GPC5: variants seen among roughly 807,000 people sequenced by gnomAD.
GPC5 encodes glypican 5.
In GPC5, 47 loss-of-function variants were observed where a neutral mutation model predicts 53.9. The ratio of observed to expected loss-of-function variants is 0.87; its 90% confidence interval spans 0.69 to 1.11. GPC5 has a LOEUF of 1.11. Ranked by LOEUF, GPC5 falls within the 50% of genes most tolerant of loss-of-function variation. The pLI is 0.00. For synonymous variants in GPC5, 286 were observed against 263.3 expected (o/e 1.09, Z -0.84); for missense variants, 748 against 713.1 (o/e 1.05, Z -0.56).
intron 7 of GPC5, among the ~76,000 whole-genome samples, chr13:92,537,139 G>A (rs926424510): frequency 5.3e-5 from 8 of 151,980 alleles, no homozygotes; most frequent in African/African-American, 1.7e-4. Context: ...TTATGTTTTA[G>A]CAACTCGTAA....
chr13:92,239,153 C>CT (rs370167814), intron 7 of GPC5, among the ~76,000 whole-genome samples: 11,856 of 125,728 alleles, frequency 0.094, 562 homozygotes, highest in Non-Finnish European at 0.13. Flanking sequence ...AGTCTTTCAA[C>CT]TTTTTTTTTT....
intron 6 of GPC5, among the ~76,000 whole-genome samples, chr13:91,968,946 T>C (rs1456062202): frequency 6.6e-6 from 1 of 151,928 alleles, no homozygotes; most frequent in Non-Finnish European, 1.5e-5. Flanking sequence ...CTTTCTTCTT[T>C]CTCTTTTTTT....
Position 91,834,661 on chromosome 13 carries a change from A to G in GPC5, c.1281-73276A>G, listed in dbSNP as rs530772018. ...GCAATGGAAAAAGGATTCCCTATTTAATAAATGGTGTTAGGAAAACTGGCT... is the reference window on the plus strand; with the variant it reads ...GCAATGGAAAAAGGATTCCCTATTTGATAAATGGTGTTAGGAAAACTGGCT... On this transcript the variant is annotated intron_variant, in intron 5 of 7. Coordinates refer to ENST00000377067, the MANE Select transcript of GPC5 (RefSeq NM_004466.6). Among the ~76,000 whole-genome samples the G allele has an allele frequency of 2.0e-5, 3 of 152,348 alleles. No individual in the cohort carries two copies. The South Asian group carries it at 6.2e-4, about 32-fold the overall frequency.
At chr13:92,036,485 C>T (rs759253647) in intron 6 of GPC5, among the ~76,000 whole-genome samples, 5 of 152,132 alleles carry the variant, frequency 3.3e-5, no homozygotes, top group Non-Finnish European at 5.9e-5. Context: ...TTATAAGGGT[C>T]ATGCATTATA....
chr13:92,313,696 G>C (rs186062224), intron 7 of GPC5, among the ~76,000 whole-genome samples: 1 of 151,996 alleles, frequency 6.6e-6, no homozygotes, highest in East Asian at 1.9e-4. Flanking sequence ...AAAATCCCTC[G>C]TCTGTTCTCA....
Position 92,437,445 on chromosome 13 carries a change from G to T in GPC5, c.1561+292456G>T, listed in dbSNP as rs370887312. 1.1e-3 allele frequency among the ~76,000 whole-genome samples: 173 copies of T among 152,084 alleles called. 3 individuals carry two copies. The South Asian group carries it at 0.023, about 20-fold the overall frequency. ...CATCAACTGAATCAATTTTAGAAAT[G>T]AATCCATTATTAACCTGTAAATAAT... On this transcript the variant is annotated intron_variant, in intron 7 of 7. Transcript: ENST00000377067.
intron 7 of GPC5, among the ~76,000 whole-genome samples, chr13:92,815,753 C>T (rs960628973): frequency 6.6e-6 from 1 of 151,698 alleles, no homozygotes; most frequent in Non-Finnish European, 1.5e-5. Context: ...GGCATATTTG[C>T]AAGGCAGAGC....
intron 7 of GPC5, among the ~76,000 whole-genome samples, chr13:92,291,572 C>T (rs913668045): frequency 6.6e-6 from 1 of 152,148 alleles, no homozygotes; most frequent in African/African-American, 2.4e-5. Context: ...GTAAAATGGA[C>T]CAATCAGCAG....
At chr13:91,655,721 C>T (rs1316502261) in intron 2 of GPC5, among the ~76,000 whole-genome samples, 1 of 151,928 alleles carries the variant, frequency 6.6e-6, no homozygotes, top group Non-Finnish European at 1.5e-5. Flanking sequence ...CAATAATAAA[C>T]AAACAGTGCC....
At chr13:92,221,800 AT>A (rs1213574423) in intron 7 of GPC5, among the ~76,000 whole-genome samples, 9 of 151,978 alleles carry the variant, frequency 5.9e-5, no homozygotes, top group Admixed American at 5.9e-4. Context: ...CTCCCTCTGC[AT>A]TTTTTCGTAC....
intron 6 of GPC5, among the ~76,000 whole-genome samples, chr13:91,935,227 G>T (rs1163173593): frequency 2.0e-5 from 3 of 151,970 alleles, no homozygotes; most frequent in Admixed American, 2.0e-4. Context: ...CTAATCATTT[G>T]GCTCTGAGGA....
chr13:92,007,809 C>G (rs898354339), intron 6 of GPC5, among the ~76,000 whole-genome samples: 1 of 151,988 alleles, frequency 6.6e-6, no homozygotes, highest in Admixed American at 6.6e-5. Context: ...TGTTTATTAT[C>G]TAGACGACTT....
intron 3 of GPC5, among the ~76,000 whole-genome samples, chr13:91,717,619 G>T (rs958890707): frequency 6.6e-6 from 1 of 151,940 alleles, no homozygotes; most frequent in Non-Finnish European, 1.5e-5. Flanking sequence ...TGCAATGGCG[G>T]GATCTTGGCT....
intron 2 of GPC5, among the ~76,000 whole-genome samples, chr13:91,534,577 C>T (rs948795828): frequency 6.6e-6 from 1 of 152,074 alleles, no homozygotes; most frequent in East Asian, 1.9e-4. Context: ...AATTAATCCT[C>T]AGAAAGAAAA....
chr13:92,543,518 G>C (rs910771811), intron 7 of GPC5, among the ~76,000 whole-genome samples: 2 of 151,958 alleles, frequency 1.3e-5, no homozygotes, highest in African/African-American at 4.8e-5. Context: ...TACTGCTTCA[G>C]CTCAGGCGTA....
At chr13:92,802,817 C>T (rs1876958141) in intron 7 of GPC5, among the ~76,000 whole-genome samples, 1 of 151,918 alleles carries the variant, frequency 6.6e-6, no homozygotes, top group Non-Finnish European at 1.5e-5. Flanking sequence ...TACCTGTAAA[C>T]CACTTTCAAA....
At chr13:92,579,302 CCT>C (rs1566302845) in intron 7 of GPC5, among the ~76,000 whole-genome samples, 1 of 36,726 alleles carries the variant, frequency 2.7e-5, no homozygotes. Flanking sequence ...TCTCTCTCTC[CCT>C]CCCTCCCTCC....
At chr13:92,177,023 T>C (rs545956178) in intron 7 of GPC5, among the ~76,000 whole-genome samples, 1 of 152,146 alleles carries the variant, frequency 6.6e-6, no homozygotes, top group Non-Finnish European at 1.5e-5. Flanking sequence ...GACTGATCTA[T>C]CTTTTTGGAT....
intron 7 of GPC5, among the ~76,000 whole-genome samples, chr13:92,209,394 C>T (rs2042359068): frequency 6.6e-6 from 1 of 152,092 alleles, no homozygotes; most frequent in Admixed American, 6.6e-5. Context: ...GTTATTTAAA[C>T]CATTGGGGTT....
Sources: allele counts gnomAD v4.1 joint callset (sites outside exome capture counted in the v4.1 genomes callset), GRCh38; gene constraint gnomAD v4.1.1; transcripts MANE v1.5; gene names NCBI Gene and HGNC (gene_info 2026-07-23, HGNC 2026-07-21).